The following CFAP184 variants were observed in gnomAD, a reference collection of about 807,000 sequenced individuals.
The protein encoded by CFAP184 is cilia- and flagella-associated protein 184.
chr4:7,041,455 A>G, the CFAP184 span: 2 of 1,614,188 alleles, frequency 1.2e-6, no homozygotes, highest in Non-Finnish European at 1.7e-6. Context: ...CTTCTGATTC[A>G]GTCTGATGTT....
chr4:7,041,176 T>C, the CFAP184 span: 1 of 1,485,868 alleles, frequency 6.7e-7, no homozygotes, highest in African/African-American at 1.4e-5. Flanking sequence ...CCGTCCCAAA[T>C]GACACAGGCC....
At chr4:7,042,791 C>T in the CFAP184 span, 1 of 1,552,916 alleles carries the variant, frequency 6.4e-7, no homozygotes, top group South Asian at 1.2e-5. Flanking sequence ...TCCTCCTCCT[C>T]CTCCTCCGGC....
chr4:7,042,192 C>G, the CFAP184 span: 2 of 1,600,450 alleles, frequency 1.2e-6, no homozygotes, highest in Non-Finnish European at 8.5e-7. Context: ...TCTTGTGCTG[C>G]AGGTATAGGT....
the CFAP184 span, chr4:7,042,632 C>T: frequency 2.7e-6 from 4 of 1,490,794 alleles, no homozygotes; most frequent in African/African-American, 5.6e-5. Flanking sequence ...TCAGCCCCAA[C>T]CTCGGCCGGC....
chr4:7,041,334 G>A, the CFAP184 span: 1 of 1,614,126 alleles, frequency 6.2e-7, no homozygotes. Flanking sequence ...AGGACAAAGT[G>A]AGGCTAGCGT....
At chr4:7,042,024 G>T in the CFAP184 span, 1 of 1,611,840 alleles carries the variant, frequency 6.2e-7, no homozygotes. Context: ...GCTCCTGGTG[G>T]TACCACTGCA....
chr4:7,042,153 G>T, the CFAP184 span: 1 of 1,602,270 alleles, frequency 6.2e-7, no homozygotes. Context: ...CGGCCTCCAG[G>T]CCCTTCTTTC....
chr4:7,042,919 T>C, the CFAP184 span: 3 of 1,504,272 alleles, frequency 2.0e-6, no homozygotes, highest in African/African-American at 1.4e-5. Flanking sequence ...GTCCTTAGTG[T>C]GCTCAGAGCT....
the CFAP184 span, chr4:7,042,906 G>T: frequency 6.5e-7 from 1 of 1,548,472 alleles, no homozygotes. Flanking sequence ...CTTCCCCGCC[G>T]GGGTCCTTAG....
the CFAP184 span, chr4:7,042,660 G>C: frequency 6.7e-7 from 1 of 1,502,120 alleles, no homozygotes; most frequent in African/African-American, 1.4e-5. Flanking sequence ...GCTCGGGCTG[G>C]GGCTCGGCCG....
the CFAP184 span, chr4:7,041,817 G>A: frequency 2.5e-6 from 4 of 1,610,380 alleles, no homozygotes; most frequent in Middle Eastern, 1.6e-4. Flanking sequence ...CCAGCCGCAC[G>A]GCGCTCATCT....
chr4:7,042,951 C>G, the CFAP184 span: 18 of 1,412,148 alleles, frequency 1.3e-5, 1 homozygote, highest in Admixed American at 1.8e-4. Flanking sequence ...CCTCCCGGCT[C>G]GGCCAGCGCA....
the CFAP184 span, chr4:7,042,611 G>A: frequency 3.0e-5 from 46 of 1,515,010 alleles, no homozygotes; most frequent in East Asian, 1.1e-3. Context: ...GGCTCCGGCT[G>A]GGCGGGCTCC....
At chr4:7,042,697 T>C in the CFAP184 span, 1 of 1,511,346 alleles carries the variant, frequency 6.6e-7, no homozygotes. Flanking sequence ...AGGCCCCTCC[T>C]CGCCCGCAGC....
the CFAP184 span, chr4:7,042,387 C>G: frequency 6.2e-7 from 1 of 1,612,262 alleles, no homozygotes; most frequent in Non-Finnish European, 8.5e-7. Flanking sequence ...CCCCATCCCT[C>G]TCCTTGCTCT....
the CFAP184 span, chr4:7,042,104 CG>C: frequency 3.1e-5 from 50 of 1,608,416 alleles, no homozygotes; most frequent in Non-Finnish European, 3.7e-5. Flanking sequence ...TGCTCTTTCT[CG>C]GGGGCCTCGG....
At chr4:7,041,843 C>T in the CFAP184 span, 1 of 1,609,948 alleles carries the variant, frequency 6.2e-7, no homozygotes, top group Non-Finnish European at 8.5e-7. Flanking sequence ...TCCTTTTTAT[C>T]CTCCAACGCC....
the CFAP184 span, chr4:7,042,140 C>G: frequency 6.2e-7 from 1 of 1,605,962 alleles, no homozygotes; most frequent in Non-Finnish European, 8.5e-7. Flanking sequence ...TCAGCCACCT[C>G]AGCGGCCTCC....
chr4:7,042,346 C>T, the CFAP184 span: 1 of 1,608,472 alleles, frequency 6.2e-7, no homozygotes, highest in Non-Finnish European at 8.5e-7. Context: ...GAGGCGCTTC[C>T]CCTCTTCCTG....
Sources: gnomAD v4.1 joint callset for allele counts on GRCh38, gnomAD v4.1.1 for gene constraint, MANE v1.5 for transcripts, NCBI Gene and HGNC (gene_info 2026-07-23, HGNC 2026-07-21) for gene names.